Variants in NAV3 observed in about 807,000 individuals in gnomAD.
The protein encoded by NAV3 is neuron navigator 3, also known as pore membrane and/or filament interacting like protein 1.
Under a neutral mutation model 244.7 loss-of-function variants are expected in NAV3, and 87 were observed. That is an observed-to-expected ratio of 0.36 (90% CI 0.30 to 0.42). The LOEUF is 0.42. NAV3 is among the 20% of genes least tolerant of loss of function. NAV3 has a pLI of 1.00. For synonymous variants in NAV3, 1,126 were observed against 1,042.2 expected (o/e 1.08, Z -1.55); for missense variants, 2,663 against 2,893.3 (o/e 0.92, Z 1.83).
At chr12:77,735,604 C>A (rs1045601121) in intron 2 of NAV3, among the ~76,000 whole-genome samples, 2 of 152,022 alleles carry the variant, frequency 1.3e-5, no homozygotes. Context: ...TTTCAATATT[C>A]CTTCAATTTT....
intron 2 of NAV3, among the ~76,000 whole-genome samples, chr12:77,772,947 C>T (rs1427957815): frequency 2.6e-5 from 4 of 152,124 alleles, no homozygotes; most frequent in South Asian, 4.1e-4. Context: ...TAAATCTGGA[C>T]ATTTCAGTAG....
At chr12:77,942,094 C>T (rs1889923194) in intron 3 of NAV3, among the ~76,000 whole-genome samples, 2 of 152,074 alleles carry the variant, frequency 1.3e-5, no homozygotes, top group Admixed American at 1.3e-4. Context: ...AATAATTGGC[C>T]AGATGTGGTG....
At chr12:78,052,895 A>AT (rs1882963931) in intron 11 of NAV3, among the ~76,000 whole-genome samples, 1 of 151,996 alleles carries the variant, frequency 6.6e-6, no homozygotes, top group Non-Finnish European at 1.5e-5. Flanking sequence ...AATTATATAC[A>AT]TAAGTATACC....
chr12:77,669,264 A>T (rs901382184), intron 2 of NAV3, among the ~76,000 whole-genome samples: 3 of 152,106 alleles, frequency 2.0e-5, no homozygotes, highest in African/African-American at 7.2e-5. Flanking sequence ...CATAAATCTC[A>T]CAGGGCCTAA....
chr12:77,572,399 G>A (rs1868868555), intron 2 of NAV3: 2 of 152,264 alleles, frequency 1.3e-5, no homozygotes, highest in South Asian at 4.1e-4. Flanking sequence ...GTATGGCAAT[G>A]TGTTTCTGTG....
chr12:77,740,616 A>G (rs1868310182), intron 2 of NAV3, among the ~76,000 whole-genome samples: 1 of 152,104 alleles, frequency 6.6e-6, no homozygotes, highest in African/African-American at 2.4e-5. Flanking sequence ...TAAAGGATGT[A>G]TTTCACTCAT....
At chr12:77,720,556 G>A (rs1476265079) in intron 2 of NAV3, among the ~76,000 whole-genome samples, 2 of 152,122 alleles carry the variant, frequency 1.3e-5, no homozygotes, top group African/African-American at 2.4e-5. Context: ...GGCTTCTAGA[G>A]TATGCCAGTC....
chr12:77,685,201 A>C (rs1021674366), intron 2 of NAV3, among the ~76,000 whole-genome samples: 1 of 152,214 alleles, frequency 6.6e-6, no homozygotes, highest in East Asian at 1.9e-4. Flanking sequence ...GTTATTGAAA[A>C]AAATCAAACA....
chr12:77,793,190 G>T (rs983505451), intron 2 of NAV3, among the ~76,000 whole-genome samples: 8 of 152,070 alleles, frequency 5.3e-5, no homozygotes, highest in Non-Finnish European at 8.8e-5. Context: ...GAAGAAAAAA[G>T]CAGTATAGTT....
intron 1 of NAV3, among the ~76,000 whole-genome samples, chr12:77,845,873 G>A (rs190222474): frequency 1.3e-5 from 2 of 152,068 alleles, no homozygotes; most frequent in Admixed American, 1.3e-4. Context: ...GGCTGGTCTC[G>A]AACCCCTGAC....
intron 39 of NAV3, among the ~76,000 whole-genome samples, chr12:78,208,952 G>A (rs1343118949): frequency 2.0e-5 from 3 of 152,030 alleles, no homozygotes; most frequent in Non-Finnish European, 4.4e-5. Flanking sequence ...AAAGTAGGAA[G>A]GTAGGGGTGT....
intron 2 of NAV3, among the ~76,000 whole-genome samples, chr12:77,727,604 C>T (rs1876934922): frequency 6.6e-6 from 1 of 151,900 alleles, no homozygotes; most frequent in Non-Finnish European, 1.5e-5. Context: ...GGCCAAGAGG[C>T]ATGGAGCTGC....
rs1960878605 is a variant in NAV3, at chr12:78,211,472, T to C, written c.*955T>C. 1 of 26,494 alleles carries C rather than the reference T, an allele frequency of 3.8e-5. No homozygotes were observed. Among genetic ancestry groups the C allele is most frequent in the African/African-American group, 7.0e-5 (1 of 14,372 alleles). 1.6% of individuals were successfully genotyped at this position (26,494 alleles called of 1,614,324 possible). ...AGCCTCATCTCTATATATCTTTCTC[T>C]TTTTTTTTTTTTTGAAGAAATGGAT... On this transcript the variant is annotated 3_prime_UTR_variant, in exon 40 of 40. Coordinates refer to ENST00000397909, the MANE Select transcript of NAV3 (RefSeq NM_001024383.2).
At chr12:77,673,471 C>A (rs1267408607) in intron 2 of NAV3, among the ~76,000 whole-genome samples, 2 of 152,070 alleles carry the variant, frequency 1.3e-5, no homozygotes, top group African/African-American at 4.8e-5. Flanking sequence ...GTATAACTCA[C>A]ATTTTCAACT....
intron 5 of NAV3, among the ~76,000 whole-genome samples, chr12:77,980,031 G>A (rs1204864830): frequency 6.6e-6 from 1 of 152,152 alleles, no homozygotes; most frequent in Admixed American, 6.5e-5. Context: ...GGAGGGATAA[G>A]GAAGAGGAAT....
At chr12:77,955,928 G>A (rs1295293776) in intron 3 of NAV3, among the ~76,000 whole-genome samples, 1 of 152,100 alleles carries the variant, frequency 6.6e-6, no homozygotes, top group African/African-American at 2.4e-5. Flanking sequence ...TCTTTTCTAG[G>A]AGTCTGTGTT....
chr12:77,714,408 T>C (rs1336654269), intron 2 of NAV3, among the ~76,000 whole-genome samples: 2 of 152,130 alleles, frequency 1.3e-5, no homozygotes, highest in Non-Finnish European at 2.9e-5. Flanking sequence ...TACAGAATCA[T>C]AGGTTAATAG....
At chr12:77,725,956 C>G (rs1014208848) in intron 2 of NAV3, among the ~76,000 whole-genome samples, 11 of 152,096 alleles carry the variant, frequency 7.2e-5, no homozygotes, top group African/African-American at 2.4e-4. Flanking sequence ...CTGCATCACT[C>G]TGAATCTGAC....
intron 12 of NAV3, among the ~76,000 whole-genome samples, chr12:78,112,825 T>TA (rs1377425139): frequency 6.6e-6 from 1 of 152,100 alleles, no homozygotes; most frequent in Non-Finnish European, 1.5e-5. Flanking sequence ...CACATTTCAG[T>TA]ATTAACACAA....
Sources: allele counts gnomAD v4.1 joint callset (sites outside exome capture counted in the v4.1 genomes callset), GRCh38; gene constraint gnomAD v4.1.1; transcripts MANE v1.5; gene names NCBI Gene and HGNC (gene_info 2026-07-23, HGNC 2026-07-21).